Variants in HS3ST3B1 observed in about 807,000 individuals in gnomAD.
The protein encoded by HS3ST3B1 is heparan sulfate glucosamine 3-O-sulfotransferase 3B1.
A neutral mutation model predicts 21.3 loss-of-function variants in HS3ST3B1; 13 were observed. That is an observed-to-expected ratio of 0.61 (90% confidence interval 0.40 to 0.97). The LOEUF (loss-of-function observed/expected upper bound fraction) is 0.97, where lower values mean the gene tolerates loss of function less well. Among genes scored for constraint, HS3ST3B1 ranks in the 50% least tolerant of loss-of-function variants. The probability of loss-of-function intolerance (pLI) is 0.00; values close to 1 mark genes in which losing one functional copy is unlikely to be tolerated. For synonymous variants in HS3ST3B1, 234 were observed against 254.8 expected, an observed-to-expected ratio of 0.92 and a Z score of 0.78; for missense variants, 459 against 554.8, an observed-to-expected ratio of 0.83 and a Z score of 1.73.
Position 14,345,574 on chromosome 17 carries a change from G to A in HS3ST3B1, c.1101G>A (p.Arg367=). ...AGATCGACCGCGAGGTGGTGCGCAG[G>A]CTGCGCGAGTTCTACCGGCCTTTCA... ...HPEIDREVVR[R]LREFYRPFNL... is the part of the protein sequence containing the mutation. The change falls in exon 2 of 2, where the codon AGG becomes AGA. Residue 367 remains arginine, a synonymous_variant. Coordinates refer to ENST00000360954, the MANE Select transcript of HS3ST3B1 (RefSeq NM_006041.3). 2 of 1,585,346 alleles carry A rather than the reference G, an allele frequency of 1.3e-6. No individual in the cohort carries two copies. The highest frequency in any genetic ancestry group is 1.7e-4 in the Middle Eastern group (1 of 5,910).
chr17:14,311,667 C>T (rs1909308466), intron 1 of HS3ST3B1, among the ~76,000 whole-genome samples: 1 of 152,126 alleles, frequency 6.6e-6, no homozygotes, highest in Admixed American at 6.5e-5. Context: ...TTTACCACCT[C>T]AAAAATCCCG....
chr17:14,321,495 A>G (rs1909657502), intron 1 of HS3ST3B1, among the ~76,000 whole-genome samples: 1 of 152,130 alleles, frequency 6.6e-6, no homozygotes, highest in Admixed American at 6.5e-5. Flanking sequence ...ATTTAAAGGG[A>G]AGAAGGAGGG....
At position 14,346,982 on chromosome 17, in the gene HS3ST3B1, A is replaced by C. The variant is rs1001407295; in HGVS notation, c.*1336A>C. On this transcript the variant is annotated 3_prime_UTR_variant, in exon 2 of 2. Transcript: ENST00000360954. The stretch of plus-strand genomic sequence containing the variant: ...CAGCCTCAATAGGGAGAAAAGACAA[A>C]GGCCTCAAAATGACAGGCAGCCTGA... 1.3e-5 allele frequency: 2 copies of C among 151,996 alleles called. No individual in the cohort carries two copies. The highest frequency in any genetic ancestry group is 4.9e-5 in the African/African-American group (2 of 41,182). The allele number at this position is 151,996 out of a possible 1,614,324, so 9.4% of individuals were successfully genotyped here.
In HS3ST3B1 at chr17:14,301,630, G is replaced by T; in HGVS notation, c.112G>T (p.Ala38Ser). ...GAGGAGGAAGCTCGCGCTGCTCTTCGCCATGCTCTGCGTCTGGCTCTATAT... is the reference window on the plus strand; with the variant it reads ...GAGGAGGAAGCTCGCGCTGCTCTTCTCCATGCTCTGCGTCTGGCTCTATAT... ...PVRRKLALLF[A>S]MLCVWLYMFL... Residue 38 changes from alanine to serine, a missense_variant, in exon 1 of 2, where the codon GCC becomes TCC. By Grantham distance (99) the Ala-to-Ser change is moderately conservative. Coordinates refer to ENST00000360954, the MANE Select transcript of HS3ST3B1 (RefSeq NM_006041.3). The T allele has an allele frequency of 6.2e-7, 1 of 1,607,532 alleles. No homozygotes were observed. The highest frequency in any genetic ancestry group is 1.3e-5 in the African/African-American group (1 of 74,480).
intron 1 of HS3ST3B1, among the ~76,000 whole-genome samples, chr17:14,329,626 G>C (rs1439368447): frequency 6.6e-6 from 1 of 152,112 alleles, no homozygotes; most frequent in Admixed American, 6.6e-5. Flanking sequence ...TTCCTCCTTG[G>C]CTGATCATCT....
chr17:14,334,969 AG>A (rs1490689166), intron 1 of HS3ST3B1, among the ~76,000 whole-genome samples: 5 of 151,982 alleles, frequency 3.3e-5, no homozygotes, highest in African/African-American at 9.7e-5. Flanking sequence ...TGGAGTGGGG[AG>A]GGGGGAAATC....
intron 1 of HS3ST3B1, among the ~76,000 whole-genome samples, chr17:14,338,077 C>T (rs1187643642): frequency 6.6e-6 from 1 of 151,714 alleles, no homozygotes; most frequent in African/African-American, 2.4e-5. Flanking sequence ...TTAAAAGCAC[C>T]CTGCATGATT....
chr17:14,315,151 C>T (rs1909457256), intron 1 of HS3ST3B1, among the ~76,000 whole-genome samples: 1 of 152,174 alleles, frequency 6.6e-6, no homozygotes, highest in African/African-American at 2.4e-5. Context: ...ATAGTCAGGT[C>T]ACTCAGTCAT....
chr17:14,307,596 A>T (rs1360228558), intron 1 of HS3ST3B1, among the ~76,000 whole-genome samples: 1 of 152,160 alleles, frequency 6.6e-6, no homozygotes, highest in Non-Finnish European at 1.5e-5. Context: ...GAATTTTTTT[A>T]AAAACTCACC....
intron 1 of HS3ST3B1, among the ~76,000 whole-genome samples, chr17:14,330,052 G>A (rs1053419112): frequency 2.3e-4 from 35 of 152,208 alleles, no homozygotes; most frequent in African/African-American, 8.0e-4. Context: ...GCACAGAGAC[G>A]TTGTGCACTT....
chr17:14,343,728 A>G (rs753550421), intron 1 of HS3ST3B1, among the ~76,000 whole-genome samples: 2 of 152,168 alleles, frequency 1.3e-5, no homozygotes, highest in East Asian at 1.9e-4. Flanking sequence ...TAAAAAATCT[A>G]TTCTCCATTG....
chr17:14,316,431 T>C (rs1450735204), intron 1 of HS3ST3B1, among the ~76,000 whole-genome samples: 1 of 152,178 alleles, frequency 6.6e-6, no homozygotes, highest in East Asian at 1.9e-4. Context: ...TAATTGCAGG[T>C]TCAGCTTTCC....
intron 1 of HS3ST3B1, among the ~76,000 whole-genome samples, chr17:14,326,700 C>G (rs553638731): frequency 9.2e-5 from 14 of 152,108 alleles, no homozygotes; most frequent in African/African-American, 2.9e-4. Context: ...GGGTGGATCA[C>G]TTGAGGTCAG....
rs539171807 is a variant in HS3ST3B1 at position 14,303,512 on chromosome 17, A to G, written c.554+1440A>G. 3.3e-5 allele frequency among the ~76,000 whole-genome samples: 5 copies of G among 152,224 alleles called. No homozygotes were observed. Among genetic ancestry groups the G allele is most frequent in the Admixed American group, 6.5e-5 (1 of 15,296 alleles). ...TCCCACCGTTCCCGGGCTGTGACCCATTCTCGGGACACTGGTGGATAAGAA... is the reference window on the plus strand; with the variant it reads ...TCCCACCGTTCCCGGGCTGTGACCCGTTCTCGGGACACTGGTGGATAAGAA... On this transcript the variant is annotated intron_variant, in intron 1 of 1. Transcript: ENST00000360954. This position sits in a 1 kb window ranked among gnomAD's most constrained non-coding sequence, Gnocchi z 5.7.
Position 14,301,885 on chromosome 17 carries a change from A to C in HS3ST3B1, c.367A>C (p.Ser123Arg). 6.2e-7 allele frequency: 1 copy of C among 1,607,350 alleles called. No individual in the cohort carries two copies. The highest frequency in any genetic ancestry group is 8.5e-7 in the Non-Finnish European group (1 of 1,177,866). ...EQSPEVPDSP[S>R]PISSFFSGSG... Reference sequence around the variant, plus strand: ...GAGTCCCGAGGTGCCGGACTCCCCAAGCCCCATCTCCAGCTTTTTCAGTGG... The same window carrying C: ...GAGTCCCGAGGTGCCGGACTCCCCACGCCCCATCTCCAGCTTTTTCAGTGG... The change falls in exon 1 of 2, where the codon AGC (serine) becomes CGC (arginine). Residue 123 changes from serine (S) to arginine (R), a missense_variant. Around this residue, in one of 3 missense-constraint regions of HS3ST3B1, gnomAD observed 317 missense variants for 278.6 expected, o/e 1.14. Transcript: ENST00000360954.
At chr17:14,343,509 C>A (rs1170785361) in intron 1 of HS3ST3B1, among the ~76,000 whole-genome samples, 1 of 152,126 alleles carries the variant, frequency 6.6e-6, no homozygotes, top group African/African-American at 2.4e-5. Context: ...CCCCAACCAG[C>A]CTCTGGTAAC....
chr17:14,301,995 G>A lies in HS3ST3B1; in HGVS notation c.477G>A (p.Val159=). 1 of 1,609,230 alleles carries A rather than the reference G, an allele frequency of 6.2e-7. No homozygotes were observed. The highest frequency in any genetic ancestry group is 1.3e-5 in the African/African-American group (1 of 75,024). Residue 159 remains valine (V), a synonymous_variant, in exon 1 of 2, where the codon GTG becomes GTA. Coordinates refer to ENST00000360954, the MANE Select transcript of HS3ST3B1 (RefSeq NM_006041.3). Reference sequence around the variant, plus strand: ...GGGCGCTGCTGGAGTTTCTGCGCGTGCACCCCGACGTGCGCGCCGTGGGCG... The same window carrying A: ...GGGCGCTGCTGGAGTTTCTGCGCGTACACCCCGACGTGCGCGCCGTGGGCG... ...GTRALLEFLR[V]HPDVRAVGAE... is the part of the protein sequence containing the mutation.
chr17:14,341,233 A>C (rs1037024644), intron 1 of HS3ST3B1, among the ~76,000 whole-genome samples: 7 of 152,188 alleles, frequency 4.6e-5, no homozygotes, highest in Non-Finnish European at 8.8e-5. Flanking sequence ...GCCAGTGAGG[A>C]AATTCCGGCT....
intron 1 of HS3ST3B1, among the ~76,000 whole-genome samples, chr17:14,340,654 C>T (rs1431733993): frequency 1.3e-5 from 2 of 152,290 alleles, no homozygotes; most frequent in Middle Eastern, 3.4e-3. Flanking sequence ...GCGATCTCAG[C>T]TCACTGCAAC....
Sources: gnomAD v4.1 joint callset for allele counts (sites outside exome capture counted in the v4.1 genomes callset) on GRCh38, gnomAD v4.1.1 for gene constraint, gnomAD v4.1.1 regional missense constraint, Gnocchi (gnomAD v3.1) non-coding constraint, MANE v1.5 for transcripts, NCBI Gene and HGNC (gene_info 2026-07-23, HGNC 2026-07-21) for gene names.